C12orf42: variants seen among roughly 807,000 people sequenced by gnomAD.
C12orf42 encodes the protein chromosome 12 open reading frame 42, also known as uncharacterized protein C12orf42.
C12orf42 carries 25 observed loss-of-function variants against 21.6 expected under a neutral mutation model. That is an observed-to-expected ratio of 1.16 (90% CI 0.84 to 1.62). The LOEUF is 1.62. Ranked by LOEUF, C12orf42 falls within the 40% of genes most tolerant of loss-of-function variation. The pLI, the probability that C12orf42 is intolerant of heterozygous loss-of-function variation, is 0.00. For synonymous variants in C12orf42, 174 were observed against 175.0 expected (o/e 0.99, Z 0.05); for missense variants, 483 against 459.3 (o/e 1.05, Z -0.47).
chr12:103,302,543 A>G lies in C12orf42; in HGVS notation c.648T>C (p.Pro216=), dbSNP rs1291848080. 2 of 1,608,270 alleles carry G rather than the reference A, an allele frequency of 1.2e-6. No individual in the cohort carries two copies. The highest frequency in any genetic ancestry group is 8.5e-7 in the Non-Finnish European group (1 of 1,177,370). The change falls in exon 6 of 6, where the codon CCT becomes CCC. Residue 216 remains proline (P), a synonymous_variant. Transcript: ENST00000548883. ...PKKNSGSAAR[P]STAIGLCRRS... is the part of the protein sequence containing the mutation. ...TCCTGCAGAGGCCGATGGCAGTGGA[A>G]GGTCTGGCGGCAGAACCTGGAAGGC...
chr12:103,418,036 T>C (rs1244452820), intron 2 of C12orf42, among the ~76,000 whole-genome samples: 3 of 152,236 alleles, frequency 2.0e-5, no homozygotes, highest in Admixed American at 2.0e-4. Context: ...TTTGCTATTC[T>C]ACCCTACGGC....
At chr12:103,317,595 A>G (rs902733754) in intron 4 of C12orf42, among the ~76,000 whole-genome samples, 4 of 152,230 alleles carry the variant, frequency 2.6e-5, no homozygotes, top group African/African-American at 9.6e-5. Context: ...ACATTGATTC[A>G]TTGAATGAAT....
chr12:103,055,856 T>C, the C12orf42 span, among the ~76,000 whole-genome samples: 3 of 152,226 alleles, frequency 2.0e-5, no homozygotes, highest in South Asian at 6.2e-4. Flanking sequence ...TTAGAGATTT[T>C]TTCTGTCATT....
chr12:103,284,327 G>A (rs2036308620), intron 4 of C12orf42, among the ~76,000 whole-genome samples: 1 of 151,884 alleles, frequency 6.6e-6, no homozygotes, highest in Admixed American at 6.6e-5. Context: ...ACAAATTGTT[G>A]GGGAAAAAAA....
the C12orf42 span, among the ~76,000 whole-genome samples, chr12:103,542,742 TC>T: frequency 6.6e-6 from 1 of 152,262 alleles, no homozygotes; most frequent in Admixed American, 6.5e-5. Flanking sequence ...CTGCACATCC[TC>T]CTTTTATGTG....
the C12orf42 span, among the ~76,000 whole-genome samples, chr12:103,199,166 T>A: frequency 6.6e-6 from 1 of 152,172 alleles, no homozygotes; most frequent in African/African-American, 2.4e-5. Context: ...CAGGCATATA[T>A]GGTCAACTGA....
chr12:103,446,887 G>T (rs192866500), intron 2 of C12orf42, among the ~76,000 whole-genome samples: 1 of 152,026 alleles, frequency 6.6e-6, no homozygotes, highest in East Asian at 1.9e-4. Flanking sequence ...CCTAAGAAAT[G>T]AGATAGATGG....
chr12:103,143,806 T>C, the C12orf42 span, among the ~76,000 whole-genome samples: 2 of 152,232 alleles, frequency 1.3e-5, no homozygotes, highest in Non-Finnish European at 2.9e-5. Context: ...AAACACTGAT[T>C]AAGAGCCAGA....
the C12orf42 span, among the ~76,000 whole-genome samples, chr12:103,155,924 A>T: frequency 6.6e-6 from 1 of 151,274 alleles, no homozygotes; most frequent in East Asian, 1.9e-4. Context: ...GTGCCTTTGT[A>T]TTCTTCTACA....
intron 4 of C12orf42, among the ~76,000 whole-genome samples, chr12:103,367,578 G>A (rs1180269376): frequency 6.6e-6 from 1 of 151,940 alleles, no homozygotes; most frequent in African/African-American, 2.4e-5. Context: ...CTGCTCATCT[G>A]TATACTTTCA....
chr12:103,176,376 C>A, the C12orf42 span, among the ~76,000 whole-genome samples: 64 of 152,236 alleles, frequency 4.2e-4, no homozygotes, highest in African/African-American at 1.5e-3. Context: ...TCTCTCTATG[C>A]CTCAACTTCT....
chr12:103,341,371 T>C (rs935042751), intron 4 of C12orf42, among the ~76,000 whole-genome samples: 2 of 151,728 alleles, frequency 1.3e-5, no homozygotes, highest in African/African-American at 2.4e-5. Flanking sequence ...TCCTCCAAAA[T>C]TAAAAATATT....
upstream of C12orf42, among the ~76,000 whole-genome samples, chr12:103,498,090 C>T (rs1030245347): frequency 2.0e-5 from 3 of 151,384 alleles, no homozygotes; most frequent in Non-Finnish European, 4.4e-5. Context: ...ATCTAATCAG[C>T]TACGATGAGA....
At chr12:103,402,862 A>C (rs1361378237) in intron 2 of C12orf42, among the ~76,000 whole-genome samples, 1 of 152,194 alleles carries the variant, frequency 6.6e-6, no homozygotes, top group East Asian at 1.9e-4. Context: ...TAAAATTACT[A>C]GAATCTGGAG....
At chr12:103,417,372 T>C (rs2049449387) in intron 2 of C12orf42, among the ~76,000 whole-genome samples, 1 of 152,174 alleles carries the variant, frequency 6.6e-6, no homozygotes, top group Non-Finnish European at 1.5e-5. Flanking sequence ...ATAGTTAAAC[T>C]TCATGTTATT....
the C12orf42 span, among the ~76,000 whole-genome samples, chr12:103,199,704 G>T: frequency 6.6e-6 from 1 of 152,078 alleles, no homozygotes; most frequent in Non-Finnish European, 1.5e-5. Flanking sequence ...TGAACACCAG[G>T]TGTATAAAAA....
intron 2 of C12orf42, among the ~76,000 whole-genome samples, chr12:103,463,273 T>C (rs936783579): frequency 6.6e-6 from 1 of 152,190 alleles, no homozygotes; most frequent in Non-Finnish European, 1.5e-5. Context: ...CTTCCCTAAA[T>C]AAATATTTTA....
chr12:103,065,785 A>G, the C12orf42 span, among the ~76,000 whole-genome samples: 14 of 152,342 alleles, frequency 9.2e-5, no homozygotes, highest in African/African-American at 3.1e-4. Flanking sequence ...CAACCAAGAA[A>G]GAGGCACAAT....
chr12:103,227,295 G>A, the C12orf42 span, among the ~76,000 whole-genome samples: 1 of 151,950 alleles, frequency 6.6e-6, no homozygotes, highest in Non-Finnish European at 1.5e-5. Context: ...TAAGGGACTA[G>A]GGTGCAGAGA....
Sources: allele counts gnomAD v4.1 joint callset (sites outside exome capture counted in the v4.1 genomes callset), GRCh38; gene constraint gnomAD v4.1.1; transcripts MANE v1.5; gene names NCBI Gene and HGNC (gene_info 2026-07-23, HGNC 2026-07-21).